Variants in ADGRG7 observed in about 807,000 individuals in gnomAD.
ADGRG7 encodes the protein adhesion G protein-coupled receptor G7, also known as G-protein coupled receptor 128.
ADGRG7 carries 82 observed loss-of-function variants against 88.6 expected under a neutral mutation model. The ratio of observed to expected loss-of-function variants is 0.93; its 90% CI spans 0.77 to 1.11. The LOEUF (loss-of-function observed/expected upper bound fraction) is 1.11, where lower values mean the gene tolerates loss of function less well. Ranked by LOEUF, ADGRG7 falls within the 50% of genes most tolerant of loss-of-function variation. The pLI, the probability that ADGRG7 is intolerant of heterozygous loss-of-function variation, is 0.00. For missense variants in ADGRG7, 945 were observed against 953.4 expected (o/e 0.99, Z 0.12); for synonymous variants, 381 against 345.2 (o/e 1.10, Z -1.15).
intron 1 of ADGRG7, among the ~76,000 whole-genome samples, chr3:100,625,017 A>G (rs1457824256): frequency 2.6e-5 from 4 of 152,090 alleles, no homozygotes; most frequent in Admixed American, 1.3e-4. Context: ...TTGGCTATAC[A>G]GACTCTTTTT....
rs1335923795 is a variant in ADGRG7 at position 100,609,620 on chromosome 3, T to A, written c.-237T>A. On this transcript the variant is annotated 5_prime_UTR_variant, in exon 1 of 16. An upstream open reading frame in the 5' UTR gains an earlier in-frame stop. Coordinates refer to ENST00000273352, the MANE Select transcript of ADGRG7 (RefSeq NM_032787.3). ...CTAATCACTTTTTTCATGTTCTCCTTGAGTGAAGGATGAGGAAATTGAAAG... is the reference window on the plus strand; with the variant it reads ...CTAATCACTTTTTTCATGTTCTCCTAGAGTGAAGGATGAGGAAATTGAAAG... 3 of 388,022 alleles carry A rather than the reference T, an allele frequency of 7.7e-6. No homozygotes were observed. Among genetic ancestry groups the A allele is most frequent in the Non-Finnish European group, 1.5e-5 (3 of 203,348 alleles). 24.0% of individuals were successfully genotyped at this position (388,022 alleles called of 1,614,324 possible). A position where few individuals can be genotyped will look rare whatever the true frequency, so the allele number is the denominator to read the frequency against.
intron 1 of ADGRG7, among the ~76,000 whole-genome samples, chr3:100,617,860 A>C (rs540826340): frequency 6.6e-6 from 1 of 152,180 alleles, no homozygotes; most frequent in South Asian, 2.1e-4. Flanking sequence ...ATTTCTCCAC[A>C]TCCTCTCCAG....
Position 100,668,973 on chromosome 3 carries a change from G to C in ADGRG7, c.2004G>C (p.Lys668Asn), listed in dbSNP as rs770082383. 1 of 1,596,888 alleles carries C rather than the reference G, an allele frequency of 6.3e-7. No individual in the cohort carries two copies. The change falls in exon 15 of 16, where the codon AAG becomes AAC. Residue 668 changes from lysine to asparagine, a missense_variant. Physicochemically the swap from Lys to Asn is moderately conservative, Grantham distance 94. Coordinates refer to ENST00000273352, the MANE Select transcript of ADGRG7 (RefSeq NM_032787.3). ...LTSTKKVSSM[K>N]KIVSTLSVAV... ...GCACAAAAAAAGTTTCATCCATGAA[G>C]AAGATTGTTAGCACATTATCTGTTG...
chr3:100,630,632 C>A (rs1189041206), intron 2 of ADGRG7, 73 bp from the exon 3 acceptor site: 1 of 636,448 alleles, frequency 1.6e-6, no homozygotes, highest in African/African-American at 1.9e-5. Context: ...TAGGTTCTGA[C>A]CTTTGACTTT....
intron 11 of ADGRG7, among the ~76,000 whole-genome samples, chr3:100,653,161 T>C (rs1172915780): frequency 1.3e-5 from 2 of 152,224 alleles, no homozygotes; most frequent in East Asian, 3.8e-4. Flanking sequence ...ATAAACCATT[T>C]AAAAAAGCAG....
At chr3:100,638,383 T>C (rs546030319) in intron 6 of ADGRG7, among the ~76,000 whole-genome samples, 1 of 152,274 alleles carries the variant, frequency 6.6e-6, no homozygotes, top group Admixed American at 6.5e-5. Context: ...TCAGCCTCTC[T>C]CCTTCAAAGT....
At chr3:100,634,457 A>T (rs1707503907) in intron 4 of ADGRG7, among the ~76,000 whole-genome samples, 1 of 152,228 alleles carries the variant, frequency 6.6e-6, no homozygotes, top group African/African-American at 2.4e-5. Context: ...AATAGGTATT[A>T]ATGTACACAT....
chr3:100,686,365 A>G (rs2094982631), intron 15 of ADGRG7, among the ~76,000 whole-genome samples: 1 of 152,126 alleles, frequency 6.6e-6, no homozygotes, highest in African/African-American at 2.4e-5. Context: ...GCTGTGCAGA[A>G]GCTCTTTAGT....
chr3:100,667,638 CG>C (rs1422194864), intron 14 of ADGRG7, among the ~76,000 whole-genome samples: 1 of 152,096 alleles, frequency 6.6e-6, no homozygotes, highest in Non-Finnish European at 1.5e-5. Flanking sequence ...AATAAACATA[CG>C]TGTGCATATG....
chr3:100,688,969 C>G (rs1423281347), intron 15 of ADGRG7, among the ~76,000 whole-genome samples: 1 of 152,168 alleles, frequency 6.6e-6, no homozygotes, highest in Non-Finnish European at 1.5e-5. Flanking sequence ...CTAATGTTGA[C>G]AGTGGGGTGT....
intron 1 of ADGRG7, among the ~76,000 whole-genome samples, chr3:100,620,181 C>G (rs1232770468): frequency 2.0e-5 from 3 of 152,184 alleles, no homozygotes; most frequent in Admixed American, 2.0e-4. Context: ...CAAACCGAAT[C>G]CAGCAGCACA....
Position 100,659,828 on chromosome 3 carries a change from A to C in ADGRG7, c.1964A>C (p.Asn655Thr). ...TCGATCAAAGTGCTGTGGAAGAATAACCAGAACCTGACAAGGTAAGATTCC... is the reference window on the plus strand; with the variant it reads ...TCGATCAAAGTGCTGTGGAAGAATACCCAGAACCTGACAAGGTAAGATTCC... Reference protein sequence around the residue: ...TISIKVLWKNNQNLTSTKKVS... With the variant: ...TISIKVLWKNTQNLTSTKKVS... Residue 655 changes from asparagine to threonine, a missense_variant, in exon 14 of 16, where the codon AAC becomes ACC. By Grantham distance (65) the Asn-to-Thr change is moderately conservative. Transcript: ENST00000273352. The C allele has an allele frequency of 6.2e-7, 1 of 1,613,698 alleles. No individual in the cohort carries two copies. Among genetic ancestry groups the C allele is most frequent in the East Asian group, 2.2e-5 (1 of 44,872 alleles).
intron 10 of ADGRG7, among the ~76,000 whole-genome samples, chr3:100,649,455 G>A (rs2094925504): frequency 1.3e-5 from 2 of 152,126 alleles, no homozygotes. Flanking sequence ...AGACATGACT[G>A]TATATTTTTC....
chr3:100,667,964 C>T (rs772162696), intron 14 of ADGRG7, among the ~76,000 whole-genome samples: 27 of 152,290 alleles, frequency 1.8e-4, no homozygotes, highest in African/African-American at 5.1e-4. Context: ...TTTCAAAGAC[C>T]GTGGGACAAG....
chr3:100,647,926 AC>A (rs1707782772), intron 10 of ADGRG7, among the ~76,000 whole-genome samples: 1 of 152,236 alleles, frequency 6.6e-6, no homozygotes, highest in Admixed American at 6.5e-5. Context: ...TTATCAAAGC[AC>A]AGAACCTTGC....
intron 1 of ADGRG7, among the ~76,000 whole-genome samples, chr3:100,628,036 A>G (rs140236120): frequency 2.0e-5 from 3 of 152,064 alleles, no homozygotes; most frequent in East Asian, 1.9e-4. Context: ...TCTTTTCTAT[A>G]TGGCTCCTTT....
chr3:100,653,556 C>G (rs1339061637), intron 11 of ADGRG7, among the ~76,000 whole-genome samples: 2 of 152,204 alleles, frequency 1.3e-5, no homozygotes, highest in African/African-American at 4.8e-5. Flanking sequence ...TACAGTAGAA[C>G]TTATTACCTC....
chr3:100,610,136 T>C (rs1185296309), intron 1 of ADGRG7, among the ~76,000 whole-genome samples, 165 bp downstream of exon 1: 2 of 152,202 alleles, frequency 1.3e-5, no homozygotes, highest in East Asian at 1.9e-4. Flanking sequence ...GCCTAGCAGA[T>C]GGTTGAATAG....
At chr3:100,664,014 A>G (rs1050853022) in intron 14 of ADGRG7, among the ~76,000 whole-genome samples, 1 of 152,060 alleles carries the variant, frequency 6.6e-6, no homozygotes, top group Non-Finnish European at 1.5e-5. Context: ...TATGGCACAA[A>G]ACTAATCACA....
Sources: allele counts gnomAD v4.1 joint callset (sites outside exome capture counted in the v4.1 genomes callset), GRCh38; gene constraint gnomAD v4.1.1; transcripts MANE v1.5; gene names NCBI Gene and HGNC (gene_info 2026-07-23, HGNC 2026-07-21).